WNT9A: variants seen among roughly 807,000 people sequenced by gnomAD.
WNT9A encodes Wnt family member 9A.
In WNT9A, 8 loss-of-function variants were observed where a neutral mutation model predicts 31.4. The observed-to-expected ratio is 0.26, with a 90% CI of 0.15 to 0.46. The LOEUF (loss-of-function observed/expected upper bound fraction) is 0.46, where lower values mean the gene tolerates loss of function less well. WNT9A is among the 20% of genes least tolerant of loss of function. The pLI is 0.99. For missense variants in WNT9A, 457 were observed against 522.9 expected, an observed-to-expected ratio of 0.87 and a Z score of 1.23; for synonymous variants, 236 against 220.1, an observed-to-expected ratio of 1.07 and a Z score of -0.64.
At chr1:227,924,054 G>GGC in intron 3 of WNT9A, 84 bp downstream of exon 3, 34 of 147,326 alleles carry the variant, frequency 2.3e-4, no homozygotes, top group Non-Finnish European at 2.6e-4. Context: ...CTGCAGCCCC[G>GGC]CCCCCAGTCC....
intron 1 of WNT9A, among the ~76,000 whole-genome samples, chr1:227,932,832 A>G (rs1389433376): frequency 6.6e-6 from 1 of 152,230 alleles, no homozygotes; most frequent in Non-Finnish European, 1.5e-5. Context: ...GGGTCTCCAC[A>G]GTGGGCATAA....
intron 1 of WNT9A, among the ~76,000 whole-genome samples, chr1:227,929,705 A>G (rs1666476552): frequency 6.6e-6 from 1 of 152,228 alleles, no homozygotes; most frequent in Middle Eastern, 3.2e-3. Flanking sequence ...GCAGTGGTGC[A>G]TGCCTGTGGT....
intron 1 of WNT9A, among the ~76,000 whole-genome samples, chr1:227,933,847 C>T (rs634106): frequency 0.52 from 78,405 of 151,946 alleles, 20,418 homozygotes; most frequent in African/African-American, 0.59. Flanking sequence ...CACAGTCAGA[C>T]GCAGGGCCTG....
intron 1 of WNT9A, among the ~76,000 whole-genome samples, chr1:227,936,176 C>G (rs1489344345): frequency 1.3e-5 from 2 of 151,972 alleles, no homozygotes; most frequent in Non-Finnish European, 2.9e-5. Context: ...CAATCTTGTG[C>G]AGTTTTTCTT....
chr1:227,935,169 G>GA (rs2102725615), intron 1 of WNT9A, among the ~76,000 whole-genome samples: 1 of 150,636 alleles, frequency 6.6e-6, no homozygotes, highest in East Asian at 2.0e-4. Flanking sequence ...CACCATAGCA[G>GA]AAACTGTGAC....
chr1:227,934,323 G>A (rs1306785334), intron 1 of WNT9A, among the ~76,000 whole-genome samples: 1 of 152,096 alleles, frequency 6.6e-6, no homozygotes, highest in African/African-American at 2.4e-5. Flanking sequence ...AATTATTATA[G>A]GATTAATGAA....
chr1:227,924,085 C>CCCCCCCCCCCCTTTTTT, intron 3 of WNT9A, 53 bp downstream of exon 3: 1 of 1,063,498 alleles, frequency 9.4e-7, no homozygotes, highest in Non-Finnish European at 1.3e-6. Flanking sequence ...CCCCAACCCC[C>CCCCCCCCCCCCTTTTTT]TGACGCTCTT....
intron 2 of WNT9A, 87 bp from the exon 3 acceptor site, chr1:227,924,487 G>A: frequency 6.7e-7 from 1 of 1,497,562 alleles, no homozygotes; most frequent in Non-Finnish European, 9.0e-7. Flanking sequence ...CCAAGAGTAT[G>A]AATCCCATGT....
At chr1:227,946,203 C>A (rs1666790322) in intron 1 of WNT9A, among the ~76,000 whole-genome samples, 1 of 152,252 alleles carries the variant, frequency 6.6e-6, no homozygotes, top group African/African-American at 2.4e-5. Flanking sequence ...GAAACACACG[C>A]ACACAAAGCA....
At chr1:227,936,523 C>A (rs1031876713) in intron 1 of WNT9A, among the ~76,000 whole-genome samples, 2 of 152,196 alleles carry the variant, frequency 1.3e-5, no homozygotes, top group African/African-American at 4.8e-5. Context: ...TTAGTAGAGA[C>A]GGGGTTTCAC....
Position 227,921,900 on chromosome 1 carries a change from A to T in WNT9A, c.716T>A (p.Val239Glu), listed in dbSNP as rs1306193472. The change falls in exon 4 of 4, where the codon GTG becomes GAG. Residue 239 changes from valine to glutamate, a missense_variant. Val to Glu is a moderately radical substitution (Grantham distance 121, BLOSUM62 -2). Transcript: ENST00000272164. The stretch of plus-strand genomic sequence containing the variant: ...ATACTTGTGCTTCAGATGCTTGCCC[A>T]CCTCATGGAAAGGCGCCAACTGCCG... ...CWRQLAPFHE[V>E]GKHLKHKYET... 1 of 1,612,770 alleles carries T rather than the reference A, an allele frequency of 6.2e-7. No individual in the cohort carries two copies. The highest frequency in any genetic ancestry group is 8.5e-7 in the Non-Finnish European group (1 of 1,179,874).
At chr1:227,936,972 T>C (rs1666605199) in intron 1 of WNT9A, among the ~76,000 whole-genome samples, 1 of 152,216 alleles carries the variant, frequency 6.6e-6, no homozygotes, top group Non-Finnish European at 1.5e-5. Context: ...GCCTCTGGCA[T>C]GGCCTCCCCG....
intron 1 of WNT9A, among the ~76,000 whole-genome samples, chr1:227,939,708 C>A (rs1332903324): frequency 6.6e-6 from 1 of 152,226 alleles, no homozygotes; most frequent in Non-Finnish European, 1.5e-5. Flanking sequence ...GCTTTCTCCC[C>A]CAGGCTGGGG....
intron 1 of WNT9A, among the ~76,000 whole-genome samples, chr1:227,947,194 C>A (rs955596395): frequency 3.9e-5 from 6 of 152,102 alleles, no homozygotes; most frequent in Non-Finnish European, 5.9e-5. Context: ...CCGGGCCCTG[C>A]GCTCCCGGCC....
Position 227,925,548 on chromosome 1 carries a change from G to T in WNT9A, c.96-29C>A. On this transcript the variant is annotated intron_variant, in intron 1 of 3. Coordinates refer to ENST00000272164, the MANE Select transcript of WNT9A (RefSeq NM_003395.4). This position sits in a 1 kb window ranked among gnomAD's most constrained non-coding sequence, Gnocchi z 6.0. ...GGCACAGAGAGGCCAGCATGAGCCC[G>T]GCCCCAGGAAGCCCTGCTGGAGCCT... is the stretch of plus-strand genomic sequence containing the variant. 1 of 1,483,596 alleles carries T rather than the reference G, an allele frequency of 6.7e-7. No homozygotes were observed. The highest frequency in any genetic ancestry group is 8.9e-7 in the Non-Finnish European group (1 of 1,120,016). 91.9% of individuals were successfully genotyped at this position (1,483,596 alleles called of 1,614,324 possible). A position where few individuals can be genotyped will look rare whatever the true frequency, so the allele number is the denominator to read the frequency against.
At chr1:227,922,068 G>A in intron 3 of WNT9A, 68 bp from the exon 4 acceptor site, 1 of 1,529,910 alleles carries the variant, frequency 6.5e-7, no homozygotes, top group Non-Finnish European at 8.8e-7. Flanking sequence ...AGCAGACCCT[G>A]CCCTGGACCC....
chr1:227,936,987 A>G (rs1636192), intron 1 of WNT9A, among the ~76,000 whole-genome samples: 81,729 of 151,986 alleles, frequency 0.54, 22,265 homozygotes, highest in African/African-American at 0.63. Flanking sequence ...TCCCCGTGTC[A>G]CCGAGGTGTC....
chr1:227,944,064 C>T (rs1172046920), intron 1 of WNT9A, among the ~76,000 whole-genome samples: 1 of 152,182 alleles, frequency 6.6e-6, no homozygotes, highest in Non-Finnish European at 1.5e-5. Context: ...CACACACACA[C>T]ACACAAAACC....
chr1:227,939,387 G>A (rs1666654822), intron 1 of WNT9A, among the ~76,000 whole-genome samples: 1 of 152,156 alleles, frequency 6.6e-6, no homozygotes, highest in Admixed American at 6.5e-5. Flanking sequence ...GTCTGGGGAC[G>A]GCCCCCCGCT....
Sources: allele counts gnomAD v4.1 joint callset (sites outside exome capture counted in the v4.1 genomes callset), GRCh38; gene constraint gnomAD v4.1.1; non-coding constraint Gnocchi (gnomAD v3.1); transcripts MANE v1.5; gene names NCBI Gene and HGNC (gene_info 2026-07-23, HGNC 2026-07-21).